The following DLGAP2 variants were observed in gnomAD, a reference collection of about 807,000 sequenced individuals.
The protein encoded by DLGAP2 is DLG associated protein 2.
In DLGAP2, 26 loss-of-function variants were observed where a neutral mutation model predicts 100.3. The ratio of observed to expected loss-of-function variants is 0.26; its 90% CI spans 0.19 to 0.36. DLGAP2 has a LOEUF of 0.36. Ranked by LOEUF, DLGAP2 falls within the 10% of genes least tolerant of loss-of-function variation. The pLI, the probability that DLGAP2 is intolerant of heterozygous loss-of-function variation, is 1.00. For missense variants in DLGAP2, 1,858 were observed against 1,453.2 expected (o/e 1.28, Z -4.53); for synonymous variants, 886 against 630.1 (o/e 1.41, Z -6.08).
At chr8:856,185 C>CTTCTTCTTCTTCTTTT (rs777874707) in intron 1 of DLGAP2, among the ~76,000 whole-genome samples, 7 of 130,548 alleles carry the variant, frequency 5.4e-5, no homozygotes, top group Non-Finnish European at 9.9e-5. Flanking sequence ...TCTTCTTCTT[C>CTTCTTCTTCTTCTTTT]TTTTTTTTTT....
At chr8:1,019,112 C>G (rs1475644858) in intron 2 of DLGAP2, 1 of 152,216 alleles carries the variant, frequency 6.6e-6, no homozygotes, top group Non-Finnish European at 1.5e-5. Flanking sequence ...GCCAGCCACG[C>G]CAGCCACGCC....
At chr8:783,912 TATC>T (rs1347589583) in intron 1 of DLGAP2, among the ~76,000 whole-genome samples, 1 of 152,206 alleles carries the variant, frequency 6.6e-6, no homozygotes, top group African/African-American at 2.4e-5. Flanking sequence ...TAAAAGAGGA[TATC>T]ATAGCGTTAT....
intron 3 of DLGAP2, among the ~76,000 whole-genome samples, chr8:1,461,296 G>A (rs112050765): frequency 7.2e-5 from 5 of 69,412 alleles, no homozygotes; most frequent in East Asian, 1.3e-3. Flanking sequence ...TGATTCGGTG[G>A]CCAGGAGGAG....
chr8:1,383,957 G>A (rs1280450029), intron 3 of DLGAP2, among the ~76,000 whole-genome samples: 1 of 152,164 alleles, frequency 6.6e-6, no homozygotes, highest in East Asian at 1.9e-4. Context: ...ATTCATGAAG[G>A]AGACCCACAA....
At chr8:1,353,822 CAA>C (rs1179517262) in intron 3 of DLGAP2, among the ~76,000 whole-genome samples, 2 of 151,752 alleles carry the variant, frequency 1.3e-5, no homozygotes, top group African/African-American at 4.8e-5. Flanking sequence ...TACATTGACA[CAA>C]AATTTTTAAT....
intron 3 of DLGAP2, among the ~76,000 whole-genome samples, chr8:1,415,149 C>T (rs979263738): frequency 2.6e-5 from 4 of 152,242 alleles, no homozygotes; most frequent in Non-Finnish European, 5.9e-5. Context: ...CACATGCGTA[C>T]AAACAGGCAA....
chr8:1,141,474 T>C (rs1329409390), intron 2 of DLGAP2, among the ~76,000 whole-genome samples: 3 of 152,288 alleles, frequency 2.0e-5, no homozygotes, highest in South Asian at 2.1e-4. Context: ...GAAGAGAGCC[T>C]ATATTATTAA....
intron 2 of DLGAP2, among the ~76,000 whole-genome samples, chr8:1,250,761 A>G (rs561733444): frequency 3.3e-5 from 5 of 152,286 alleles, no homozygotes; most frequent in East Asian, 1.9e-4. Context: ...TTTGAATGCA[A>G]TTATGTAATT....
intron 2 of DLGAP2, among the ~76,000 whole-genome samples, chr8:1,188,635 C>T (rs1797568537): frequency 6.6e-6 from 1 of 152,130 alleles, no homozygotes; most frequent in African/African-American, 2.4e-5. Context: ...CTCACAGCTC[C>T]TCCCAATAGA....
intron 3 of DLGAP2, among the ~76,000 whole-genome samples, chr8:1,350,991 G>C (rs1801708700): frequency 7.5e-6 from 1 of 132,478 alleles, no homozygotes; most frequent in African/African-American, 3.0e-5. Flanking sequence ...TGCGTGGAAA[G>C]GCCGTGCGGG....
At chr8:1,314,366 C>CT (rs1260346127) in intron 3 of DLGAP2, among the ~76,000 whole-genome samples, 2 of 152,184 alleles carry the variant, frequency 1.3e-5, no homozygotes, top group African/African-American at 4.8e-5. Flanking sequence ...CACTGTTCAC[C>CT]TTGGAAGTGC....
At chr8:1,134,679 G>A (rs995187964) in intron 2 of DLGAP2, among the ~76,000 whole-genome samples, 1 of 152,182 alleles carries the variant, frequency 6.6e-6, no homozygotes, top group Non-Finnish European at 1.5e-5. Context: ...ATAAAGGAAA[G>A]AGGTTTAACT....
rs776089084 is a variant in DLGAP2 at position 1,565,877 on chromosome 8, G to T, written c.1425G>T (p.Pro475=). 4 of 1,607,172 alleles carry T rather than the reference G, an allele frequency of 2.5e-6. No homozygotes were observed. The highest frequency in any genetic ancestry group is 4.5e-5 in the East Asian group (2 of 44,516). The change falls in exon 6 of 15, where the codon CCG becomes CCT. Residue 475 remains proline, a synonymous_variant. Transcript: ENST00000637795. ...EPLLKSIGQR[P]LGEHQTQTYL... ...TGCTGAAGTCCATCGGACAGAGACC[G>T]CTTGGAGAGCACCAGACGTAAGTGA... is the stretch of plus-strand genomic sequence containing the variant.
intron 3 of DLGAP2, among the ~76,000 whole-genome samples, chr8:1,325,622 C>G (rs1448168282): frequency 6.6e-6 from 1 of 152,198 alleles, no homozygotes; most frequent in East Asian, 1.9e-4. Context: ...GGGACACAAG[C>G]ATACCCTACA....
intron 3 of DLGAP2, among the ~76,000 whole-genome samples, chr8:1,281,394 T>A (rs1302510526): frequency 6.6e-6 from 1 of 152,186 alleles, no homozygotes; most frequent in African/African-American, 2.4e-5. Flanking sequence ...TCCTAGTCCC[T>A]TAGGCGCCCC....
At chr8:1,311,409 C>T (rs1417233550) in intron 3 of DLGAP2, among the ~76,000 whole-genome samples, 1 of 152,118 alleles carries the variant, frequency 6.6e-6, no homozygotes, top group Non-Finnish European at 1.5e-5. Flanking sequence ...GTGGAGGAAA[C>T]AATTCCTAAC....
chr8:927,211 G>A (rs1218047630), intron 2 of DLGAP2: 4 of 985,302 alleles, frequency 4.1e-6, no homozygotes, highest in Non-Finnish European at 4.8e-6. Context: ...TAAGAACGCT[G>A]TTTATAGAAC....
rs762408318 is a variant in DLGAP2, at chr8:1,549,396, C to A, written c.943C>A (p.Leu315Ile). The change falls in exon 5 of 15, where the codon CTC becomes ATC. Residue 315 changes from leucine (L) to isoleucine (I), a missense_variant. By Grantham distance (5) the Leu-to-Ile change is conservative. Transcript: ENST00000637795. ...CAGCACCTATCGGACGCCCAGCGTG[C>A]TCAACCGGCACCACCTGGGCCCCGT... ...SDSTYRTPSVLNRHHLGPVAH... is the reference protein window; with the variant it reads ...SDSTYRTPSVINRHHLGPVAH... 6.2e-7 allele frequency: 1 copy of A among 1,613,468 alleles called. No homozygotes were observed. The highest frequency in any genetic ancestry group is 8.5e-7 in the Non-Finnish European group (1 of 1,179,794).
chr8:1,691,748 A>C, intron 13 of DLGAP2, 122 bp downstream of exon 13: 3 of 876,152 alleles, frequency 3.4e-6, no homozygotes, highest in Non-Finnish European at 1.8e-6. Context: ...TATCACGTGC[A>C]CTTACTACAG....
Sources: allele counts gnomAD v4.1 joint callset (sites outside exome capture counted in the v4.1 genomes callset), GRCh38; gene constraint gnomAD v4.1.1; transcripts MANE v1.5; gene names NCBI Gene and HGNC (gene_info 2026-07-23, HGNC 2026-07-21).